EPHB1: variants seen among roughly 807,000 people sequenced by gnomAD.
The protein encoded by EPHB1 is EPH receptor B1, also known as ephrin type-B receptor 1.
Under a neutral mutation model 94.4 loss-of-function variants are expected in EPHB1, and 30 were observed. The observed-to-expected ratio is 0.32, with a 90% CI of 0.24 to 0.43. EPHB1 has a LOEUF of 0.43. EPHB1 is among the 20% of genes least tolerant of loss of function. EPHB1 has a pLI of 1.00. For missense variants in EPHB1, 1,055 were observed against 1,308.3 expected (o/e 0.81, Z 2.99); for synonymous variants, 522 against 489.1 (o/e 1.07, Z -0.89).
chr3:134,881,426 C>G (rs1344097022), intron 1 of EPHB1, among the ~76,000 whole-genome samples: 1 of 152,138 alleles, frequency 6.6e-6, no homozygotes, highest in Non-Finnish European at 1.5e-5. Context: ...AGACCCCAGG[C>G]TGACTTGAGC....
intron 13 of EPHB1, among the ~76,000 whole-genome samples, chr3:135,242,074 C>A (rs1943797845): frequency 6.6e-6 from 1 of 152,204 alleles, no homozygotes; most frequent in African/African-American, 2.4e-5. Flanking sequence ...GGTGAGGAAG[C>A]CTTTTTCGGA....
chr3:135,191,082 A>G (rs908662210), intron 10 of EPHB1, among the ~76,000 whole-genome samples: 1 of 145,864 alleles, frequency 6.9e-6, no homozygotes, highest in South Asian at 2.3e-4. Context: ...CTCAAAAAAC[A>G]AAACAAAAAA....
intron 12 of EPHB1, among the ~76,000 whole-genome samples, chr3:135,213,240 C>T (rs114840327): frequency 1.3e-5 from 2 of 152,136 alleles, no homozygotes; most frequent in African/African-American, 2.4e-5. Flanking sequence ...ATGAACAGAT[C>T]GAATTTTCTC....
intron 12 of EPHB1, among the ~76,000 whole-genome samples, chr3:135,226,083 G>T (rs916971631): frequency 6.6e-6 from 1 of 152,272 alleles, no homozygotes; most frequent in Non-Finnish European, 1.5e-5. Flanking sequence ...CCCAAGTGGG[G>T]TTTCTGTAGT....
intron 4 of EPHB1, among the ~76,000 whole-genome samples, chr3:135,124,775 A>C (rs943574545): frequency 6.6e-6 from 1 of 151,662 alleles, no homozygotes; most frequent in Non-Finnish European, 1.5e-5. Context: ...TTGTGCTCAC[A>C]TGGCTGTTAG....
intron 4 of EPHB1, among the ~76,000 whole-genome samples, chr3:135,108,614 A>G (rs966049714): frequency 6.6e-6 from 1 of 152,170 alleles, no homozygotes; most frequent in Non-Finnish European, 1.5e-5. Flanking sequence ...GTGGTCTCCA[A>G]ATGAAGTCAG....
chr3:135,018,616 G>A (rs1935885239), intron 3 of EPHB1, among the ~76,000 whole-genome samples: 1 of 152,160 alleles, frequency 6.6e-6, no homozygotes, highest in Admixed American at 6.5e-5. Flanking sequence ...AACAAATTTA[G>A]CAGATACCTT....
chr3:135,153,353 A>G (rs1199757603), intron 5 of EPHB1, among the ~76,000 whole-genome samples: 1 of 152,144 alleles, frequency 6.6e-6, no homozygotes, highest in East Asian at 1.9e-4. Flanking sequence ...CTCATTTATT[A>G]TTTCCAGACT....
At chr3:134,882,748 TCC>T (rs1491295266) in intron 1 of EPHB1, among the ~76,000 whole-genome samples, 949 of 72,442 alleles carry the variant, frequency 0.013, 65 homozygotes, top group African/African-American at 0.056. Flanking sequence ...CCTTCTTTCT[TCC>T]TTTCTTCCTT....
rs373875626 is a variant in EPHB1 at position 134,978,230 on chromosome 3, C to CTAA, written c.805+26179_805+26181dup. ...TCCCTTTCTCTCTGCTGCCCCTACCCTAAGCCACTGTAGTTGGGCTCTCTC... is the reference window on the plus strand; with the variant it reads ...TCCCTTTCTCTCTGCTGCCCCTACCCTAATAAGCCACTGTAGTTGGGCTCTCTC... On this transcript the variant is annotated intron_variant, in intron 3 of 15. Coordinates refer to ENST00000398015, the MANE Select transcript of EPHB1 (RefSeq NM_004441.5). Among the ~76,000 whole-genome samples the CTAA allele has an allele frequency of 5.6e-3, 846 of 152,290 alleles. 8 individuals are homozygous for CTAA. Among genetic ancestry groups the CTAA allele is most frequent in the African/African-American group, 0.02 (813 of 41,554 alleles).
intron 3 of EPHB1, among the ~76,000 whole-genome samples, chr3:135,039,779 G>A (rs564632724): frequency 3.1e-4 from 47 of 152,318 alleles, no homozygotes; most frequent in Non-Finnish European, 6.2e-4. Context: ...CGCAAGCGCC[G>A]CACGCAGCCC....
intron 5 of EPHB1, among the ~76,000 whole-genome samples, chr3:135,151,576 CA>C (rs563526829): frequency 1.9e-3 from 283 of 152,288 alleles, no homozygotes; most frequent in Middle Eastern, 3.4e-3. Context: ...TGAATCCCCC[CA>C]CTAGAAAGTA....
At chr3:134,954,140 A>G (rs1336679424) in intron 3 of EPHB1, among the ~76,000 whole-genome samples, 1 of 152,206 alleles carries the variant, frequency 6.6e-6, no homozygotes, top group Non-Finnish European at 1.5e-5. Flanking sequence ...GTGGCCCAGC[A>G]TCCTGGCTGA....
chr3:134,954,851 G>T (rs911795349), intron 3 of EPHB1, among the ~76,000 whole-genome samples: 1 of 152,170 alleles, frequency 6.6e-6, no homozygotes, highest in African/African-American at 2.4e-5. Flanking sequence ...TCGCTTGGCT[G>T]TGCAGAGGCA....
At chr3:134,907,729 A>T (rs2038363376) in intron 1 of EPHB1, among the ~76,000 whole-genome samples, 1 of 151,254 alleles carries the variant, frequency 6.6e-6, no homozygotes, top group Admixed American at 6.6e-5. Context: ...TAGACATCTT[A>T]TAAGAAAGAG....
chr3:134,845,841 C>T (rs1440391905), intron 1 of EPHB1, among the ~76,000 whole-genome samples: 1 of 152,190 alleles, frequency 6.6e-6, no homozygotes, highest in East Asian at 1.9e-4. Flanking sequence ...CTAACAAGCT[C>T]TCCTTCCATT....
At chr3:135,042,405 A>G (rs753039639) in intron 3 of EPHB1, among the ~76,000 whole-genome samples, 1 of 152,240 alleles carries the variant, frequency 6.6e-6, no homozygotes, top group Non-Finnish European at 1.5e-5. Context: ...TAGCAGTCTC[A>G]AATGGATTTT....
chr3:135,118,473 C>T (rs1277243986), intron 4 of EPHB1, among the ~76,000 whole-genome samples: 1 of 152,094 alleles, frequency 6.6e-6, no homozygotes, highest in African/African-American at 2.4e-5. Flanking sequence ...GATTTGAGGC[C>T]CAGAAGGGCT....
Position 135,214,502 on chromosome 3 carries a change from A to C in EPHB1, c.2346+12813A>C, listed in dbSNP as rs150949153. The stretch of plus-strand genomic sequence containing the variant: ...CTGTAAGCACCTGGTGCCATGGCCC[A>C]TCCTGAACCTGCTGGAGGAAGCCAG... On this transcript the variant is annotated intron_variant, in intron 12 of 15. Coordinates refer to ENST00000398015, the MANE Select transcript of EPHB1 (RefSeq NM_004441.5). Among the ~76,000 whole-genome samples the C allele has an allele frequency of 3.0e-4, 46 of 152,278 alleles. 1 individual carries two copies. The East Asian group carries it at 7.1e-3, about 24-fold the overall frequency.
Sources: gnomAD v4.1 joint callset for allele counts (sites outside exome capture counted in the v4.1 genomes callset) on GRCh38, gnomAD v4.1.1 for gene constraint, MANE v1.5 for transcripts, NCBI Gene and HGNC (gene_info 2026-07-23, HGNC 2026-07-21) for gene names.